TEX14: variants seen among roughly 807,000 people sequenced by gnomAD.
The protein encoded by TEX14 is testis expressed 14, intercellular bridge forming factor.
In TEX14, 168 loss-of-function variants were observed where a neutral mutation model predicts 178.6. That is an observed-to-expected ratio of 0.94 (90% confidence interval 0.83 to 1.07). TEX14 has a LOEUF of 1.07. Ranked by LOEUF, TEX14 falls within the 50% of genes least tolerant of loss-of-function variation. The probability of loss-of-function intolerance (pLI) is 0.00; values close to 1 mark genes in which losing one functional copy is unlikely to be tolerated. For synonymous variants in TEX14, 626 were observed against 634.1 expected (o/e 0.99, Z 0.19); for missense variants, 1,730 against 1,753.6 (o/e 0.99, Z 0.24).
chr17:58,681,285 A>C (rs188302496), intron 1 of TEX14, among the ~76,000 whole-genome samples: 57 of 152,230 alleles, frequency 3.7e-4, no homozygotes, highest in African/African-American at 1.3e-3. Flanking sequence ...AAAAATGAAA[A>C]TAAAAATCTT....
In TEX14 at chr17:58,661,920, A is replaced by G. The variant is rs557355869; in HGVS notation, c.-1-9918T>C. The G allele has an allele frequency of 1.4e-4, 30 of 215,936 alleles. No homozygotes were observed. In the South Asian group the frequency reaches 3.5e-3, roughly 25 times the overall value. The allele number at this position is 215,936 out of a possible 1,614,324, so 13.4% of individuals were successfully genotyped here. ...AGAGAATGCATGTAAAAATGCAGCTACCCCCAACCCAGGCTATTCTGCCCC... is the reference window on the plus strand; with the variant it reads ...AGAGAATGCATGTAAAAATGCAGCTGCCCCCAACCCAGGCTATTCTGCCCC... On this transcript the variant is annotated intron_variant, in intron 1 of 31. Transcript: ENST00000349033.
chr17:58,664,465 T>C (rs1206309816), intron 1 of TEX14, among the ~76,000 whole-genome samples: 1 of 152,234 alleles, frequency 6.6e-6, no homozygotes, highest in Admixed American at 6.5e-5. Context: ...TCTCAAGTCA[T>C]TACTTACATG....
At position 58,585,914 on chromosome 17, in the gene TEX14, T is replaced by G. The variant is rs1254291543; in HGVS notation, c.2957A>C (p.Glu986Ala). The stretch of plus-strand genomic sequence containing the variant: ...GGGCTCATCATTTTCCCTATGATAC[T>G]CAATAACTCGCTGCCAATCCGTGTT... ...PENTDWQRVI[E>A]YHRENDEPRG... Residue 986 changes from glutamate to alanine, a missense_variant, in exon 18 of 32, where the codon GAG becomes GCG. This residue lies in a region of TEX14 where 941 missense variants were observed against 1,072.4 expected (regional missense o/e 0.88). Coordinates refer to ENST00000349033, the MANE Select transcript of TEX14 (RefSeq NM_031272.5). 6.2e-7 allele frequency: 1 copy of G among 1,613,910 alleles called. No individual in the cohort carries two copies. The highest frequency in any genetic ancestry group is 1.3e-5 in the African/African-American group (1 of 74,890).
chr17:58,617,398 T>C (rs1453974877), intron 6 of TEX14, 140 bp downstream of exon 6: 1 of 614,120 alleles, frequency 1.6e-6, no homozygotes, highest in Middle Eastern at 3.1e-4. Context: ...AGAGATACCT[T>C]TCCCTCAATA....
Position 58,571,925 on chromosome 17 carries a change from C to A in TEX14, c.3713G>T (p.Gly1238Val), listed in dbSNP as rs571334539. Residue 1238 changes from glycine (G) to valine (V), a missense_variant, in exon 24 of 32, where the codon GGT (glycine) becomes GTT (valine). By Grantham distance (109) the Gly-to-Val change is moderately radical. Transcript: ENST00000349033. ...SSETPPSRLT[G>V]LKRLSSFIGA... is the part of the protein sequence containing the mutation. ...ACGTGGAATTGATATACTTACAAGA[C>A]CAGTCAGTCTTGAAGGGGGAGTTTC... 1 of 1,613,676 alleles carries A rather than the reference C, an allele frequency of 6.2e-7. No homozygotes were observed. The highest frequency in any genetic ancestry group is 1.3e-5 in the African/African-American group (1 of 75,004).
At chr17:58,574,071 A>ACT (rs1225573559) in intron 22 of TEX14, 116 bp downstream of exon 22, 2 of 810,404 alleles carry the variant, frequency 2.5e-6, no homozygotes, top group Non-Finnish European at 4.1e-6. Flanking sequence ...GAAGCAGCAT[A>ACT]CTCACATTAA....
chr17:58,646,780 C>T (rs2046717659), intron 2 of TEX14, among the ~76,000 whole-genome samples: 1 of 152,126 alleles, frequency 6.6e-6, no homozygotes, highest in Admixed American at 6.6e-5. Context: ...CAGCTCCCAA[C>T]TTATGTCTGT....
chr17:58,630,319 G>C, intron 3 of TEX14, 121 bp downstream of exon 3: 1 of 680,950 alleles, frequency 1.5e-6, no homozygotes, highest in Non-Finnish European at 2.5e-6. Flanking sequence ...GCCTCCCAAA[G>C]TGCTGGGATT....
intron 2 of TEX14, chr17:58,631,011 A>C (rs1053174734): frequency 4.0e-4 from 80 of 199,214 alleles, no homozygotes; most frequent in African/African-American, 1.8e-3. Context: ...GTACTATCAA[A>C]CAATGAGTCT....
Position 58,616,178 on chromosome 17 carries a change from G to T in TEX14, c.764C>A (p.Thr255Asn). 1 of 1,612,826 alleles carries T rather than the reference G, an allele frequency of 6.2e-7. No homozygotes were observed. ...AAACTGGCCAGCCCCCACTTACTTGGTCATGACCATGTAGGGGCCGCTGAA... is the reference window on the plus strand; with the variant it reads ...AAACTGGCCAGCCCCCACTTACTTGTTCATGACCATGTAGGGGCCGCTGAA... The part of the protein sequence containing the change: ...SFFSGPYMVM[T>N]NLVWNGSRVT... Residue 255 changes from threonine (T) to asparagine (N), a missense_variant, in exon 7 of 32, where the codon ACC becomes AAC. Physicochemically the swap from Thr to Asn is moderately conservative, Grantham distance 65. Around this residue, in one of 2 missense-constraint regions of TEX14, gnomAD observed 789 missense variants for 681.2 expected, o/e 1.16. Coordinates refer to ENST00000349033, the MANE Select transcript of TEX14 (RefSeq NM_031272.5).
chr17:58,593,070 A>G (rs1488800014), intron 15 of TEX14, among the ~76,000 whole-genome samples: 1 of 152,132 alleles, frequency 6.6e-6, no homozygotes, highest in Non-Finnish European at 1.5e-5. Flanking sequence ...ATACAAACAC[A>G]CACACACTCT....
Position 58,616,814 on chromosome 17 carries a change from C to T in TEX14, c.637-509G>A, listed in dbSNP as rs573152841. 3.1e-3 allele frequency among the ~76,000 whole-genome samples: 471 copies of T among 152,338 alleles called. 4 individuals are homozygous for T. Among genetic ancestry groups the T allele is most frequent in the South Asian group, 0.023 (113 of 4,830 alleles). The stretch of plus-strand genomic sequence containing the variant: ...TCTTTTCCCTGAAGAAACTGAGGCT[C>T]ATGGAAAGAAGTCAGATGCCTCAAG... On this transcript the variant is annotated intron_variant, in intron 6 of 31. Coordinates refer to ENST00000349033, the MANE Select transcript of TEX14 (RefSeq NM_031272.5).
At chr17:58,586,152 G>T in intron 17 of TEX14, 70 bp from the exon 18 acceptor site, 1 of 1,457,488 alleles carries the variant, frequency 6.9e-7, no homozygotes, top group South Asian at 1.3e-5. Flanking sequence ...TCATCTAAAA[G>T]AAATACATAA....
intron 2 of TEX14, among the ~76,000 whole-genome samples, chr17:58,651,150 G>C (rs908999132): frequency 6.6e-6 from 1 of 152,134 alleles, no homozygotes; most frequent in Non-Finnish European, 1.5e-5. Context: ...GGTGGCTTAC[G>C]CCTATAGTCC....
chr17:58,683,861 T>G (rs577946946), intron 1 of TEX14, among the ~76,000 whole-genome samples: 1 of 148,646 alleles, frequency 6.7e-6, no homozygotes, highest in South Asian at 2.1e-4. Flanking sequence ...GGTCAAGATA[T>G]CAAGACTATC....
chr17:58,561,499 TC>T lies in TEX14; in HGVS notation c.4157+20del. ...ACTTCCTGAAAAAGAAGAAAAGGAT[TC>T]CCCTTTGGGGAACAATAACCTTTCA... On this transcript the variant is annotated intron_variant, in intron 29 of 31. Coordinates refer to ENST00000349033, the MANE Select transcript of TEX14 (RefSeq NM_031272.5). 3.9e-6 allele frequency: 6 copies of T among 1,546,066 alleles called. No homozygotes were observed. Among genetic ancestry groups the T allele is most frequent in the Non-Finnish European group, 5.4e-6 (6 of 1,120,078 alleles).
In TEX14 at chr17:58,569,349, T is replaced by A; in HGVS notation, c.3818-89A>T. 1.1e-6 allele frequency: 1 copy of A among 950,260 alleles called. No individual in the cohort carries two copies. The highest frequency in any genetic ancestry group is 1.7e-6 in the Non-Finnish European group (1 of 603,426). The allele number at this position is 950,260 out of a possible 1,614,324, so 58.9% of individuals were successfully genotyped here. A position where few individuals can be genotyped will look rare whatever the true frequency, so the allele number is the denominator to read the frequency against. On this transcript the variant is annotated intron_variant, in intron 25 of 31. Coordinates refer to ENST00000349033, the MANE Select transcript of TEX14 (RefSeq NM_031272.5). This position sits in a 1 kb window ranked among gnomAD's most constrained non-coding sequence, Gnocchi z 4.1. ...TTCTCGGCTCTCACATAGACTTGACTGAGGATTTCTCTCAATGATGAAACA... is the reference window on the plus strand; with the variant it reads ...TTCTCGGCTCTCACATAGACTTGACAGAGGATTTCTCTCAATGATGAAACA...
chr17:58,675,819 G>A (rs1398885485), intron 1 of TEX14, among the ~76,000 whole-genome samples: 1 of 152,216 alleles, frequency 6.6e-6, no homozygotes, highest in Non-Finnish European at 1.5e-5. Context: ...AATTTTTAGA[G>A]ACAGGTTCTT....
intron 2 of TEX14, among the ~76,000 whole-genome samples, chr17:58,641,406 A>G (rs1309718309): frequency 6.6e-6 from 1 of 151,952 alleles, no homozygotes; most frequent in Non-Finnish European, 1.5e-5. Flanking sequence ...TCTTAAAACA[A>G]AACAAAACAA....
Sources: allele counts gnomAD v4.1 joint callset (sites outside exome capture counted in the v4.1 genomes callset), GRCh38; gene constraint gnomAD v4.1.1; regional missense constraint gnomAD v4.1.1; non-coding constraint Gnocchi (gnomAD v3.1); transcripts MANE v1.5; gene names NCBI Gene and HGNC (gene_info 2026-07-23, HGNC 2026-07-21).